The following KIAA1958 variants were observed in gnomAD, a reference collection of about 807,000 sequenced individuals.
KIAA1958 encodes uncharacterized protein KIAA1958.
Under a neutral mutation model 47.2 loss-of-function variants are expected in KIAA1958, and 14 were observed. The ratio of observed to expected loss-of-function variants is 0.30; its 90% CI spans 0.20 to 0.46. KIAA1958 has a LOEUF of 0.46. KIAA1958 is among the 20% of genes least tolerant of loss of function. KIAA1958 has a pLI of 1.00. For missense variants in KIAA1958, 803 were observed against 909.2 expected (o/e 0.88, Z 1.50); for synonymous variants, 354 against 353.3 (o/e 1.00, Z -0.02).
At chr9:112,583,151 C>T (rs758472437) in intron 2 of KIAA1958, among the ~76,000 whole-genome samples, 1 of 152,138 alleles carries the variant, frequency 6.6e-6, no homozygotes, top group Non-Finnish European at 1.5e-5. Flanking sequence ...GCATGTGTAC[C>T]TCCCCATAGG....
At chr9:112,573,337 G>T (rs1360383325) in intron 1 of KIAA1958, among the ~76,000 whole-genome samples, 1 of 152,204 alleles carries the variant, frequency 6.6e-6, no homozygotes, top group Non-Finnish European at 1.5e-5. Flanking sequence ...CAGGAGACAG[G>T]AAGCCTGGTC....
At chr9:112,524,410 C>T (rs776819424) in intron 1 of KIAA1958, among the ~76,000 whole-genome samples, 9 of 152,180 alleles carry the variant, frequency 5.9e-5, no homozygotes, top group Non-Finnish European at 1.0e-4. Flanking sequence ...TGCTATACCT[C>T]GGAAAATATG....
At chr9:112,550,835 G>C (rs1339883176) in intron 1 of KIAA1958, among the ~76,000 whole-genome samples, 1 of 152,142 alleles carries the variant, frequency 6.6e-6, no homozygotes, top group Non-Finnish European at 1.5e-5. Context: ...ACTGACCTTA[G>C]TTACTCAGTC....
intron 1 of KIAA1958, among the ~76,000 whole-genome samples, chr9:112,530,114 A>T (rs2132809996): frequency 6.6e-6 from 1 of 152,338 alleles, no homozygotes; most frequent in Non-Finnish European, 1.5e-5. Context: ...AAGTGCTGGG[A>T]TTACAGGCGT....
chr9:112,548,948 A>G (rs1835091824), intron 1 of KIAA1958, among the ~76,000 whole-genome samples: 1 of 152,232 alleles, frequency 6.6e-6, no homozygotes, highest in African/African-American at 2.4e-5. Context: ...GAAGACAGTC[A>G]TCTAGGAACT....
chr9:112,567,342 T>G (rs1388358230), intron 1 of KIAA1958, among the ~76,000 whole-genome samples: 1 of 152,180 alleles, frequency 6.6e-6, no homozygotes, highest in African/African-American at 2.4e-5. Flanking sequence ...TCAGAGCTGA[T>G]GTTGTGGCTC....
At chr9:112,616,347 G>A (rs943733248) in intron 2 of KIAA1958, among the ~76,000 whole-genome samples, 13 of 152,196 alleles carry the variant, frequency 8.5e-5, no homozygotes, top group Admixed American at 3.3e-4. Context: ...GTGGATTTTG[G>A]CAATAATGCC....
chr9:112,512,537 G>A (rs934245482), intron 1 of KIAA1958, among the ~76,000 whole-genome samples: 14 of 152,136 alleles, frequency 9.2e-5, no homozygotes, highest in Non-Finnish European at 1.6e-4. Flanking sequence ...AACACCTACA[G>A]CTAACTTCAT....
At chr9:112,553,311 C>G (rs1248374349) in intron 1 of KIAA1958, among the ~76,000 whole-genome samples, 2 of 151,860 alleles carry the variant, frequency 1.3e-5, no homozygotes, top group East Asian at 3.9e-4. Flanking sequence ...CTTCAGCCTC[C>G]CAAGTAGCTG....
intron 1 of KIAA1958, among the ~76,000 whole-genome samples, chr9:112,511,700 T>C (rs1476941844): frequency 2.0e-5 from 3 of 151,934 alleles, no homozygotes; most frequent in African/African-American, 7.3e-5. Flanking sequence ...ATCAGTGAAA[T>C]AGAATAGAAA....
At chr9:112,612,397 G>A (rs939356155) in intron 2 of KIAA1958, among the ~76,000 whole-genome samples, 1 of 152,124 alleles carries the variant, frequency 6.6e-6, no homozygotes, top group African/African-American at 2.4e-5. Flanking sequence ...CGCAGAGTGA[G>A]ACCCTGTCTC....
chr9:112,605,543 G>T (rs1485409739), intron 2 of KIAA1958, among the ~76,000 whole-genome samples: 1 of 152,118 alleles, frequency 6.6e-6, no homozygotes, highest in Admixed American at 6.6e-5. Flanking sequence ...AAATGGGTAG[G>T]TTTGTATCAT....
chr9:112,598,272 A>ATAT (rs1836066422), intron 2 of KIAA1958, among the ~76,000 whole-genome samples: 2 of 152,358 alleles, frequency 1.3e-5, no homozygotes, highest in African/African-American at 4.8e-5. Flanking sequence ...GAAAACTTGC[A>ATAT]TTGAGGCCAC....
chr9:112,562,547 G>C (rs983015701), intron 1 of KIAA1958, among the ~76,000 whole-genome samples: 7 of 152,170 alleles, frequency 4.6e-5, no homozygotes, highest in African/African-American at 1.7e-4. Context: ...TGAGATTCTA[G>C]AAAGCCTAAT....
At chr9:112,487,801 G>A (rs1478754379) in intron 1 of KIAA1958, among the ~76,000 whole-genome samples, 6 of 151,730 alleles carry the variant, frequency 4.0e-5, no homozygotes, top group Non-Finnish European at 8.8e-5. Context: ...GGTAGGAGGA[G>A]GTTGGACTGA....
chr9:112,619,547 T>G (rs1836464438), intron 2 of KIAA1958, among the ~76,000 whole-genome samples: 1 of 152,240 alleles, frequency 6.6e-6, no homozygotes, highest in Non-Finnish European at 1.5e-5. Flanking sequence ...GCTAACATCT[T>G]TTCTTTTTGG....
chr9:112,662,123 G>A lies in KIAA1958; in HGVS notation c.*2054G>A, dbSNP rs139371045. 2 of 152,312 alleles carry A rather than the reference G, an allele frequency of 1.3e-5. No homozygotes were observed. The highest frequency in any genetic ancestry group is 1.3e-4 in the Admixed American group (2 of 15,304). The allele number at this position is 152,312 out of a possible 1,614,324, so 9.4% of individuals were successfully genotyped here. ...AGAGGTTGTAATCTTTCTGTTGGTAGTGGCTTTTCATCAGCTAAATAATCA... is the reference window on the plus strand; with the variant it reads ...AGAGGTTGTAATCTTTCTGTTGGTAATGGCTTTTCATCAGCTAAATAATCA... On this transcript the variant is annotated 3_prime_UTR_variant, in exon 4 of 4. Transcript: ENST00000337530.
chr9:112,604,579 A>G (rs918590634), intron 2 of KIAA1958, among the ~76,000 whole-genome samples: 1 of 152,198 alleles, frequency 6.6e-6, no homozygotes, highest in African/African-American at 2.4e-5. Context: ...AGCAAAACCA[A>G]ACTAGTGATG....
At chr9:112,572,991 T>C (rs1411350043) in intron 1 of KIAA1958, among the ~76,000 whole-genome samples, 1 of 152,086 alleles carries the variant, frequency 6.6e-6, no homozygotes, top group Non-Finnish European at 1.5e-5. Flanking sequence ...CAGCTGCAGA[T>C]AGCCAGGGCC....
Sources: gnomAD v4.1 joint callset for allele counts (sites outside exome capture counted in the v4.1 genomes callset) on GRCh38, gnomAD v4.1.1 for gene constraint, MANE v1.5 for transcripts, NCBI Gene and HGNC (gene_info 2026-07-23, HGNC 2026-07-21) for gene names.